The following CXCL13 variants were observed in gnomAD, a reference collection of about 807,000 sequenced individuals.
The protein encoded by CXCL13 is C-X-C motif chemokine ligand 13, also known as C-X-C motif chemokine 13.
Under a neutral mutation model 12.2 loss-of-function variants are expected in CXCL13, and 7 were observed. The ratio of observed to expected loss-of-function variants is 0.57; its 90% confidence interval spans 0.33 to 1.07. The LOEUF (loss-of-function observed/expected upper bound fraction) is 1.07, where lower values mean the gene tolerates loss of function less well. Ranked by LOEUF, CXCL13 falls within the 50% of genes least tolerant of loss-of-function variation. The pLI is 0.04. For missense variants in CXCL13, 113 were observed against 127.4 expected (o/e 0.89, Z 0.55); for synonymous variants, 47 against 42.4 (o/e 1.11, Z -0.42).
At chr4:77,582,866 A>G (rs1726372540) in intron 1 of CXCL13, among the ~76,000 whole-genome samples, 1 of 152,214 alleles carries the variant, frequency 6.6e-6, no homozygotes, top group Admixed American at 6.5e-5. Context: ...TATGTAGACA[A>G]TGAAATCAAC....
upstream of CXCL13, among the ~76,000 whole-genome samples, chr4:77,604,936 A>G (rs957941819): frequency 4.6e-5 from 7 of 152,238 alleles, no homozygotes; most frequent in East Asian, 1.2e-3. Context: ...GCCAGTCTAC[A>G]TACTTTTTTT....
chr4:77,585,395 G>A (rs148914236), intron 1 of CXCL13, among the ~76,000 whole-genome samples: 38 of 152,270 alleles, frequency 2.5e-4, no homozygotes, highest in Non-Finnish European at 4.7e-4. Flanking sequence ...AGCAGGTTGC[G>A]GCTGATGTCA....
At chr4:77,608,609 A>G (rs1296909157) in intron 2 of CXCL13, among the ~76,000 whole-genome samples, 2 of 152,064 alleles carry the variant, frequency 1.3e-5, no homozygotes, top group Non-Finnish European at 2.9e-5. Context: ...ACTTCTTTAG[A>G]TTTTTGCAAT....
intron 1 of CXCL13, among the ~76,000 whole-genome samples, chr4:77,534,611 T>C (rs1045224211): frequency 1.3e-5 from 2 of 152,264 alleles, no homozygotes; most frequent in Non-Finnish European, 2.9e-5. Flanking sequence ...TTCAGTTGAA[T>C]ATGAATCTAC....
At chr4:77,540,854 G>A (rs927065905) in intron 1 of CXCL13, among the ~76,000 whole-genome samples, 1 of 152,168 alleles carries the variant, frequency 6.6e-6, no homozygotes, top group Admixed American at 6.6e-5. Flanking sequence ...CACAGAGGCT[G>A]CACTAATTTA....
Position 77,595,098 on chromosome 4 carries a change from ATT to A in CXCL13, c.-42-10709_-42-10708del, listed in dbSNP as rs58429511. ...AGCACATCATTTTTGGTTTTAGGTG[ATT>A]TTTTTTTTTTTTTTTTACCAGTGAC... On this transcript the variant is annotated intron_variant, in intron 1 of 4. Coordinates refer to the CXCL13 transcript ENST00000286758. 8.2e-3 allele frequency among the ~76,000 whole-genome samples: 1,156 copies of A among 141,348 alleles called. 3 individuals carry two copies. Among genetic ancestry groups the A allele is most frequent in the African/African-American group, 9.2e-3 (355 of 38,492 alleles). The allele number at this position is 141,348 out of a possible 152,430, so 92.7% of individuals were successfully genotyped here.
rs1724810077 is a variant in CXCL13, at chr4:77,528,021, C to T, written c.-43+16233C>T. Among the ~76,000 whole-genome samples the T allele has an allele frequency of 2.0e-5, 3 of 151,962 alleles. No individual in the cohort carries two copies. The South Asian group carries it at 6.2e-4, about 32-fold the overall frequency. On this transcript the variant is annotated intron_variant, in intron 1 of 4. Transcript: ENST00000286758. ...TTCAATTCCCACCTATGAATGAGAACATGCGGTGTTTGGTTTTTTGTCCTT... is the reference window on the plus strand; with the variant it reads ...TTCAATTCCCACCTATGAATGAGAATATGCGGTGTTTGGTTTTTTGTCCTT...
intron 1 of CXCL13, among the ~76,000 whole-genome samples, chr4:77,517,056 T>C (rs375801548): frequency 0.06 from 9,113 of 152,166 alleles, 834 homozygotes; most frequent in African/African-American, 0.2. Context: ...GCCTTCATTT[T>C]GTTATGTACC....
At chr4:77,581,756 C>T (rs1726339783) in intron 1 of CXCL13, among the ~76,000 whole-genome samples, 1 of 152,122 alleles carries the variant, frequency 6.6e-6, no homozygotes, top group Admixed American at 6.5e-5. Context: ...GCCTATAGAC[C>T]TTTTCTGGTC....
At chr4:77,589,775 T>G (rs572763395) in intron 1 of CXCL13, among the ~76,000 whole-genome samples, 2 of 152,280 alleles carry the variant, frequency 1.3e-5, no homozygotes, top group East Asian at 3.9e-4. Context: ...ACATGGACAT[T>G]GACAGATACT....
chr4:77,577,420 G>A (rs1357260984), intron 1 of CXCL13, among the ~76,000 whole-genome samples: 3 of 152,040 alleles, frequency 2.0e-5, no homozygotes, highest in Non-Finnish European at 4.4e-5. Context: ...CCCTAAGAAA[G>A]AAAACTAGAT....
intron 1 of CXCL13, among the ~76,000 whole-genome samples, chr4:77,553,267 A>T (rs945297919): frequency 1.3e-5 from 2 of 152,188 alleles, no homozygotes; most frequent in African/African-American, 4.8e-5. Context: ...TACTTTTCAC[A>T]GTTCTGGCTG....
intron 1 of CXCL13, among the ~76,000 whole-genome samples, chr4:77,582,790 G>A (rs1409044909): frequency 6.6e-6 from 1 of 152,142 alleles, no homozygotes; most frequent in Non-Finnish European, 1.5e-5. Context: ...AAGAGACAGG[G>A]ATTCTAATTA....
At chr4:77,548,138 A>G (rs890628749) in intron 1 of CXCL13, among the ~76,000 whole-genome samples, 4 of 152,238 alleles carry the variant, frequency 2.6e-5, no homozygotes, top group African/African-American at 2.4e-5. Flanking sequence ...GATTCAGCTT[A>G]CATTATTGCA....
At chr4:77,570,689 G>T (rs930535143) in intron 1 of CXCL13, among the ~76,000 whole-genome samples, 8 of 152,192 alleles carry the variant, frequency 5.3e-5, no homozygotes, top group Non-Finnish European at 1.2e-4. Context: ...AGGAACTGGG[G>T]CTGCGCGCAG....
intron 1 of CXCL13, among the ~76,000 whole-genome samples, chr4:77,525,853 G>A (rs1046540389): frequency 3.3e-5 from 5 of 151,892 alleles, no homozygotes; most frequent in African/African-American, 1.2e-4. Context: ...TCAGCAGATG[G>A]GTGGGGAAAT....
chr4:77,547,368 T>C lies in CXCL13; in HGVS notation c.-43+35580T>C, dbSNP rs1725391108. Among the ~76,000 whole-genome samples the C allele has an allele frequency of 3.3e-5, 5 of 152,188 alleles. No individual in the cohort carries two copies. In the South Asian group the frequency reaches 1.0e-3, roughly 32 times the overall value. On this transcript the variant is annotated intron_variant, in intron 1 of 4. Transcript: ENST00000286758. ...CATTATTATTGTGTGGGAGTCTAAGTCTCTTTCTAGGTCTCTAAGGACTTG... is the reference window on the plus strand; with the variant it reads ...CATTATTATTGTGTGGGAGTCTAAGCCTCTTTCTAGGTCTCTAAGGACTTG...
intron 1 of CXCL13, among the ~76,000 whole-genome samples, chr4:77,534,769 C>T (rs1725018177): frequency 6.6e-6 from 1 of 152,224 alleles, no homozygotes; most frequent in African/African-American, 2.4e-5. Context: ...CCTGCCTTCA[C>T]ACCTGCAAAA....
rs149965550 is a variant in CXCL13, at chr4:77,512,152, A to G, written c.-43+364A>G. Reference sequence around the variant, plus strand: ...CTGATTTTTACTTCCATATTATTCAATGAGAAACAGGGAAACTAATTAGCC... The same window carrying G: ...CTGATTTTTACTTCCATATTATTCAGTGAGAAACAGGGAAACTAATTAGCC... On this transcript the variant is annotated intron_variant, in intron 1 of 4. Transcript: ENST00000286758. Among the ~76,000 whole-genome samples, 522 of 152,316 alleles carry G rather than the reference A, an allele frequency of 3.4e-3. 6 individuals are homozygous for G. Among genetic ancestry groups the G allele is most frequent in the African/African-American group, 0.012 (496 of 41,576 alleles).
Sources: gnomAD v4.1 joint callset for allele counts (sites outside exome capture counted in the v4.1 genomes callset) on GRCh38, gnomAD v4.1.1 for gene constraint, MANE v1.5 for transcripts, NCBI Gene and HGNC (gene_info 2026-07-23, HGNC 2026-07-21) for gene names.